The following SP100 variants were observed in gnomAD, a reference collection of about 807,000 sequenced individuals.
SP100 encodes SP100 nuclear body protein.
In SP100, 84 loss-of-function variants were observed where a neutral mutation model predicts 130.0. The ratio of observed to expected loss-of-function variants is 0.65; its 90% CI spans 0.54 to 0.77. The LOEUF is 0.77. Among genes scored for constraint, SP100 ranks in the 30% least tolerant of loss-of-function variants. The pLI is 0.00. For missense variants in SP100, 978 were observed against 1,052.2 expected (o/e 0.93, Z 0.97); for synonymous variants, 331 against 351.7 (o/e 0.94, Z 0.66).
rs1244780372 is a variant in SP100 at position 230,496,379 on chromosome 2, G to A, written c.1645+1919G>A. 2.6e-5 allele frequency among the ~76,000 whole-genome samples: 4 copies of A among 152,174 alleles called. No homozygotes were observed. In the East Asian group the frequency reaches 7.7e-4, roughly 29 times the overall value. ...TATTAAAACTGGAAATTATGTGGTA[G>A]GGAAGCTGGGTGAAGTCAGCATTTA... On this transcript the variant is annotated intron_variant, in intron 18 of 28. Coordinates refer to ENST00000340126, the MANE Select transcript of SP100 (RefSeq NM_001080391.2).
In SP100 at chr2:230,503,068, A is replaced by G; in HGVS notation, c.1723A>G (p.Arg575Gly). The change falls in exon 20 of 29, where the codon AGA becomes GGA. Residue 575 changes from arginine to glycine, a missense_variant and splice_region_variant. Coordinates refer to ENST00000340126, the MANE Select transcript of SP100 (RefSeq NM_001080391.2). ...ATGTTGTTTTTCAACTTTCTCAGGA[A>G]GAAAAGCCAACACTAGACCTTTGAA... ...VQKKRWQQRG[R>G]KANTRPLKRR... 1 of 1,600,824 alleles carries G rather than the reference A, an allele frequency of 6.2e-7. No homozygotes were observed. The highest frequency in any genetic ancestry group is 8.5e-7 in the Non-Finnish European group (1 of 1,172,430).
intron 17 of SP100, among the ~76,000 whole-genome samples, chr2:230,481,685 G>A (rs2065839150): frequency 6.6e-6 from 1 of 152,064 alleles, no homozygotes; most frequent in Non-Finnish European, 1.5e-5. Flanking sequence ...AAAGTTTCCA[G>A]TTGAACCTAG....
At chr2:230,434,880 A>G (rs2063203339) in intron 2 of SP100, among the ~76,000 whole-genome samples, 1 of 152,236 alleles carries the variant, frequency 6.6e-6, no homozygotes, top group African/African-American at 2.4e-5. Flanking sequence ...GAGCAAAAGG[A>G]GAGGAGCAAA....
intron 26 of SP100, 44 bp downstream of exon 26, chr2:230,541,040 C>A (rs568668741): frequency 7.6e-6 from 12 of 1,581,920 alleles, no homozygotes; most frequent in Non-Finnish European, 9.5e-6. Context: ...TTCTGTTCAC[C>A]TGGGCAGGAG....
chr2:230,416,284 C>A lies in SP100; in HGVS notation c.-13C>A. The A allele has an allele frequency of 6.2e-7, 1 of 1,612,920 alleles. No homozygotes were observed. The highest frequency in any genetic ancestry group is 8.5e-7 in the Non-Finnish European group (1 of 1,179,236). On this transcript the variant is annotated 5_prime_UTR_variant, in exon 1 of 29. Transcript: ENST00000340126. The stretch of plus-strand genomic sequence containing the variant: ...CCAGGCTCTGAGGCCCACGCAGGGC[C>A]TAGGGTGGGAAGATGGCAGGTGGGG...
intron 2 of SP100, among the ~76,000 whole-genome samples, chr2:230,420,559 C>T (rs1479913499): frequency 6.6e-6 from 1 of 152,058 alleles, no homozygotes; most frequent in Non-Finnish European, 1.5e-5. Flanking sequence ...TTCCTGCTGG[C>T]TCTGGTTTAC....
chr2:230,486,318 G>A (rs1303385866), intron 17 of SP100, among the ~76,000 whole-genome samples: 2 of 151,748 alleles, frequency 1.3e-5, no homozygotes, highest in East Asian at 3.9e-4. Context: ...CCATCCTCTA[G>A]GTTCACTCCC....
At chr2:230,449,357 T>C (rs2063856553) in intron 6 of SP100, 2 of 779,842 alleles carry the variant, frequency 2.6e-6, no homozygotes, top group Non-Finnish European at 4.5e-6. Context: ...TTAATCACAC[T>C]TGCTGCTGGT....
chr2:230,463,583 A>G (rs534409722), intron 10 of SP100: 1 of 152,812 alleles, frequency 6.5e-6, no homozygotes, highest in African/African-American at 2.4e-5. Flanking sequence ...TTTAGACAAT[A>G]TGTACTCTAA....
At chr2:230,524,179 C>CAAAA (rs71420292) in intron 24 of SP100, among the ~76,000 whole-genome samples, 18 of 75,416 alleles carry the variant, frequency 2.4e-4, no homozygotes, top group South Asian at 9.7e-4. Flanking sequence ...ACTAAAAATA[C>CAAAA]AAAAAAAAAA....
chr2:230,505,819 C>T (rs919546616), intron 21 of SP100, among the ~76,000 whole-genome samples: 3 of 152,004 alleles, frequency 2.0e-5, no homozygotes, highest in Admixed American at 2.0e-4. Flanking sequence ...TTGATTGTAC[C>T]ACATGTACAA....
At chr2:230,466,409 A>G (rs1218395528) in intron 12 of SP100, 55 bp downstream of exon 12, 6 of 897,430 alleles carry the variant, frequency 6.7e-6, no homozygotes, top group Non-Finnish European at 7.4e-6. Flanking sequence ...CTTCATGGTT[A>G]TAAATGAACA....
chr2:230,466,184 C>A (rs368693983), intron 11 of SP100, 117 bp from the exon 12 acceptor site: 40 of 258,176 alleles, frequency 1.5e-4, no homozygotes, highest in Admixed American at 3.1e-4. Context: ...GACTCCATCT[C>A]AAAAAAAAAA....
At position 230,473,387 on chromosome 2, in the gene SP100, T is replaced by TGCCAAGAA. The variant is rs1448667046; in HGVS notation, c.1504_1511dup (p.Arg505LysfsTer13). 1 of 1,613,994 alleles carries TGCCAAGAA rather than the reference T, an allele frequency of 6.2e-7. No individual in the cohort carries two copies. The highest frequency in any genetic ancestry group is 1.7e-5 in the Admixed American group (1 of 60,018). On this transcript the variant is annotated frameshift_variant, in exon 16 of 29. Transcript: ENST00000340126. LOFTEE classifies it high-confidence loss of function. Reference sequence around the variant, plus strand: ...TGTGTCATGTGTTTTCCAAAAGGTGTGCCAAGAAGCCAAGAAGCAAGGACT... The same window carrying TGCCAAGAA: ...TGTGTCATGTGTTTTCCAAAAGGTGTGCCAAGAAGCCAAGAAGCCAAGAAGCAAGGACT...
At chr2:230,429,422 T>G (rs961745110) in intron 2 of SP100, among the ~76,000 whole-genome samples, 1 of 152,214 alleles carries the variant, frequency 6.6e-6, no homozygotes. Context: ...TTATAATATT[T>G]CTTGATGTCA....
chr2:230,541,110 G>C, intron 26 of SP100, 114 bp downstream of exon 26: 1 of 1,387,534 alleles, frequency 7.2e-7, no homozygotes, highest in South Asian at 1.4e-5. Flanking sequence ...CTGGCCTATG[G>C]TGTGCTTTGC....
rs1264896428 is a variant in SP100 at position 230,545,203 on chromosome 2, T to C, written c.*2257T>C. On this transcript the variant is annotated 3_prime_UTR_variant, in exon 29 of 29. Coordinates refer to ENST00000340126, the MANE Select transcript of SP100 (RefSeq NM_001080391.2). ...AACCTAAGTGCCCATCAGTAACAGA[T>C]TGGATAAAGAAAATATGGTACACAT... 4.6e-5 allele frequency among the ~76,000 whole-genome samples: 7 copies of C among 152,148 alleles called. No individual in the cohort carries two copies. Among genetic ancestry groups the C allele is most frequent in the African/African-American group, 1.2e-4 (5 of 41,418 alleles).
At chr2:230,519,585 T>TGAAG (rs1691075198) in intron 24 of SP100, among the ~76,000 whole-genome samples, 1 of 152,116 alleles carries the variant, frequency 6.6e-6, no homozygotes, top group Non-Finnish European at 1.5e-5. Flanking sequence ...AGGAAGAATA[T>TGAAG]GAAGGCATAG....
At chr2:230,471,049 T>C (rs186624815) in intron 15 of SP100, among the ~76,000 whole-genome samples, 18 of 152,020 alleles carry the variant, frequency 1.2e-4, no homozygotes, top group African/African-American at 3.9e-4. Flanking sequence ...CAGACAGAGA[T>C]AATAGGAATG....
Sources: allele counts gnomAD v4.1 joint callset (sites outside exome capture counted in the v4.1 genomes callset), GRCh38; gene constraint gnomAD v4.1.1; transcripts MANE v1.5; gene names NCBI Gene and HGNC (gene_info 2026-07-23, HGNC 2026-07-21).